Variants in CADPS2 observed in about 807,000 individuals in gnomAD.
CADPS2 encodes calcium dependent secretion activator 2.
CADPS2 carries 93 observed loss-of-function variants against 172.5 expected under a neutral mutation model. The ratio of observed to expected loss-of-function variants is 0.54; its 90% CI spans 0.46 to 0.64. CADPS2 has a LOEUF of 0.64. Ranked by LOEUF, CADPS2 falls within the 30% of genes least tolerant of loss-of-function variation. CADPS2 has a pLI of 0.00. For missense variants in CADPS2, 1,420 were observed against 1,565.9 expected, an observed-to-expected ratio of 0.91 and a Z score of 1.57; for synonymous variants, 546 against 555.2, an observed-to-expected ratio of 0.98 and a Z score of 0.23.
chr7:122,381,929 C>T (rs1452704443), intron 24 of CADPS2, among the ~76,000 whole-genome samples: 1 of 152,100 alleles, frequency 6.6e-6, no homozygotes, highest in Non-Finnish European at 1.5e-5. Context: ...GTAAATGTAT[C>T]TGGTTAGATA....
Position 122,422,997 on chromosome 7 carries a change from A to G in CADPS2, c.2477-6833T>C, listed in dbSNP as rs533424094. 2.6e-5 allele frequency among the ~76,000 whole-genome samples: 4 copies of G among 152,120 alleles called. No homozygotes were observed. In the East Asian group the frequency reaches 7.7e-4, roughly 29 times the overall value. On this transcript the variant is annotated intron_variant, in intron 17 of 29. Coordinates refer to ENST00000449022, the MANE Select transcript of CADPS2 (RefSeq NM_017954.11). ...AAAAATAAAAATAAATAAATAAACC[A>G]TAAGTCCCTTTAGTCTACCTTAGCT...
chr7:122,449,854 C>A (rs2052813691), intron 15 of CADPS2, among the ~76,000 whole-genome samples: 2 of 150,844 alleles, frequency 1.3e-5, no homozygotes, highest in South Asian at 2.1e-4. Flanking sequence ...ACTTTTAAAC[C>A]CAGCACTAAA....
rs566168419 is a variant in CADPS2 at position 122,505,719 on chromosome 7, G to A, written c.1542+7530C>T. Among the ~76,000 whole-genome samples, 14 of 152,254 alleles carry A rather than the reference G, an allele frequency of 9.2e-5. No individual in the cohort carries two copies. The South Asian group carries it at 1.9e-3, about 20-fold the overall frequency. ...ACAACTGAAAAAGGTGCAATCTGGC[G>A]TTTCGAATACATCAACTCCAGAAGC... On this transcript the variant is annotated intron_variant, in intron 9 of 29. Coordinates refer to ENST00000449022, the MANE Select transcript of CADPS2 (RefSeq NM_017954.11).
At chr7:122,575,689 G>A (rs1252518023) in intron 7 of CADPS2, among the ~76,000 whole-genome samples, 4 of 151,944 alleles carry the variant, frequency 2.6e-5, no homozygotes, top group Non-Finnish European at 4.4e-5. Context: ...TGCCTGCCTC[G>A]GCCTCCCAAA....
At chr7:122,623,889 T>C (rs922323956) in intron 4 of CADPS2, among the ~76,000 whole-genome samples, 7 of 152,226 alleles carry the variant, frequency 4.6e-5, no homozygotes, top group African/African-American at 1.2e-4. Context: ...CAACATGTTA[T>C]GGAAAATCTA....
chr7:122,412,261 GA>G (rs1461068551), intron 19 of CADPS2, among the ~76,000 whole-genome samples: 1 of 152,154 alleles, frequency 6.6e-6, no homozygotes, highest in Admixed American at 6.5e-5. Context: ...CAACTGCTGA[GA>G]CTATTGTAAT....
At chr7:122,818,573 T>C (rs1802196916) in intron 1 of CADPS2, among the ~76,000 whole-genome samples, 1 of 152,136 alleles carries the variant, frequency 6.6e-6, no homozygotes, top group Non-Finnish European at 1.5e-5. Context: ...CAGACCCATC[T>C]GACCTCTCCC....
intron 25 of CADPS2, among the ~76,000 whole-genome samples, chr7:122,369,306 AT>A (rs1430832759): frequency 6.6e-6 from 1 of 150,830 alleles, no homozygotes; most frequent in Admixed American, 6.6e-5. Context: ...AATTTTTTGT[AT>A]TTTTTAGTAG....
At chr7:122,693,563 T>C (rs2084672982) in intron 2 of CADPS2, among the ~76,000 whole-genome samples, 1 of 152,166 alleles carries the variant, frequency 6.6e-6, no homozygotes, top group Non-Finnish European at 1.5e-5. Flanking sequence ...CCAGCCCAGA[T>C]GTCATGAATG....
At chr7:122,385,320 A>G (rs2043494600) in intron 24 of CADPS2, among the ~76,000 whole-genome samples, 1 of 152,040 alleles carries the variant, frequency 6.6e-6, no homozygotes, top group African/African-American at 2.4e-5. Flanking sequence ...GAATTGCTCA[A>G]AGAATAAAAT....
At chr7:122,745,631 G>A (rs1013255729) in intron 1 of CADPS2, among the ~76,000 whole-genome samples, 2 of 148,726 alleles carry the variant, frequency 1.3e-5, no homozygotes, top group East Asian at 2.1e-4. Context: ...TCCTAAAGCC[G>A]CTTTTGTTGT....
intron 1 of CADPS2, among the ~76,000 whole-genome samples, chr7:122,867,111 T>A (rs1003217434): frequency 6.6e-6 from 1 of 152,148 alleles, no homozygotes; most frequent in East Asian, 1.9e-4. Context: ...TGCTACCTGC[T>A]TCTACAAGAG....
rs2076359091 is a variant in CADPS2, at chr7:122,629,328, G to T, written c.787C>A (p.Leu263Met). The part of the protein sequence containing the change: ...EHQLLYNACQ[L>M]DNADEQAAQI... ...GCTGCTTGTTCATCTGCGTTATCCA[G>T]CTTAAAAATAAAACAGAAGTTACAC... Residue 263 changes from leucine (L) to methionine (M), a missense_variant and splice_region_variant, in exon 4 of 30, where the codon CTG becomes ATG. Leu to Met is a conservative substitution (Grantham distance 15, BLOSUM62 2). Transcript: ENST00000449022. The T allele has an allele frequency of 2.5e-6, 4 of 1,601,230 alleles. No individual in the cohort carries two copies. In the East Asian group the frequency reaches 6.7e-5, roughly 27 times the overall value.
chr7:122,625,781 T>A (rs1360315332), intron 4 of CADPS2, among the ~76,000 whole-genome samples: 1 of 150,890 alleles, frequency 6.6e-6, no homozygotes, highest in Non-Finnish European at 1.5e-5. Context: ...CTCCCTGCCC[T>A]CCCACACACA....
intron 15 of CADPS2, among the ~76,000 whole-genome samples, chr7:122,442,349 G>A (rs1257962944): frequency 6.6e-6 from 1 of 152,084 alleles, no homozygotes; most frequent in East Asian, 1.9e-4. Context: ...GGAGCTCCTT[G>A]CTTTGCTGAA....
chr7:122,690,151 A>G (rs2084147969), intron 2 of CADPS2, among the ~76,000 whole-genome samples: 1 of 152,204 alleles, frequency 6.6e-6, no homozygotes, highest in Non-Finnish European at 1.5e-5. Context: ...GCCAACTTAC[A>G]GCTGAAACAA....
At chr7:122,674,196 C>G (rs769824931) in intron 2 of CADPS2, among the ~76,000 whole-genome samples, 1 of 152,134 alleles carries the variant, frequency 6.6e-6, no homozygotes, top group Non-Finnish European at 1.5e-5. Flanking sequence ...CCCCGGGTCC[C>G]CGCCCGCACC....
chr7:122,874,201 T>C (rs1179509119), intron 1 of CADPS2, among the ~76,000 whole-genome samples: 1 of 152,198 alleles, frequency 6.6e-6, no homozygotes, highest in Admixed American at 6.5e-5. Context: ...TTGTTGACAT[T>C]GCTTTTGGTG....
chr7:122,542,000 CATTT>C (rs1167830457), intron 8 of CADPS2, among the ~76,000 whole-genome samples: 1 of 150,930 alleles, frequency 6.6e-6, no homozygotes, highest in Non-Finnish European at 1.5e-5. Context: ...ATCAAATCAT[CATTT>C]ATTTGTAAAT....
Sources: gnomAD v4.1 joint callset for allele counts (sites outside exome capture counted in the v4.1 genomes callset) on GRCh38, gnomAD v4.1.1 for gene constraint, MANE v1.5 for transcripts, NCBI Gene and HGNC (gene_info 2026-07-23, HGNC 2026-07-21) for gene names.